Variants in BAG3 observed in about 807,000 individuals in gnomAD.
BAG3 encodes the protein BAG family molecular chaperone regulator 3.
BAG3 carries 14 observed loss-of-function variants against 40.5 expected under a neutral mutation model. The observed-to-expected ratio is 0.35, with a 90% CI of 0.23 to 0.54. The LOEUF is 0.54. Ranked by LOEUF, BAG3 falls within the 20% of genes least tolerant of loss-of-function variation. The pLI, the probability that BAG3 is intolerant of heterozygous loss-of-function variation, is 0.91. For missense variants in BAG3, 788 were observed against 758.6 expected (o/e 1.04, Z -0.46); for synonymous variants, 302 against 307.8 (o/e 0.98, Z 0.20).
In BAG3 at chr10:119,672,283, G is replaced by GCTCATC; in HGVS notation, c.546_551dup (p.Ser184_Ser185dup). 6.2e-7 allele frequency: 1 copy of GCTCATC among 1,613,796 alleles called. No individual in the cohort carries two copies. The highest frequency in any genetic ancestry group is 8.5e-7 in the Non-Finnish European group (1 of 1,180,022). ...TCCCAGTCTCCAGCTGCCTCTGACT[G>GCTCATC]CTCATCCTCATCCTCCTCGGCCAGC... On this transcript the variant is annotated inframe_insertion, in exon 3 of 4. Transcript: ENST00000369085. This position sits in a 1 kb window ranked among gnomAD's most constrained non-coding sequence, Gnocchi z 4.8.
intron 1 of BAG3, among the ~76,000 whole-genome samples, chr10:119,658,983 C>T (rs960674512): frequency 2.6e-5 from 4 of 152,172 alleles, no homozygotes; most frequent in African/African-American, 7.2e-5. Flanking sequence ...GTGGGCCTTT[C>T]AGCTCTCAGA....
chr10:119,658,587 G>C (rs1057266670), intron 1 of BAG3, among the ~76,000 whole-genome samples: 7 of 152,190 alleles, frequency 4.6e-5, no homozygotes, highest in African/African-American at 1.7e-4. Context: ...TGCCTCTCCT[G>C]CTGCATTTTA....
At chr10:119,664,004 G>C (rs902452141) in intron 1 of BAG3, among the ~76,000 whole-genome samples, 15 of 152,066 alleles carry the variant, frequency 9.9e-5, no homozygotes, top group African/African-American at 3.4e-4. Context: ...CTGAGAAAAC[G>C]AAAGTTCACA....
chr10:119,652,511 C>T (rs1846857284), intron 1 of BAG3, among the ~76,000 whole-genome samples: 1 of 152,150 alleles, frequency 6.6e-6, no homozygotes, highest in Non-Finnish European at 1.5e-5. Flanking sequence ...TCAATATGAA[C>T]GTATCCTAGT....
chr10:119,677,108 T>C lies in BAG3; in HGVS notation c.1554T>C (p.Asp518=), dbSNP rs139125612. The change falls in exon 4 of 4, where the codon GAT becomes GAC. Residue 518 remains aspartate, a synonymous_variant. Coordinates refer to ENST00000369085, the MANE Select transcript of BAG3 (RefSeq NM_004281.4). ...YELQPSNLEA[D]QPLQAIMEMG... The stretch of plus-strand genomic sequence containing the variant: ...TCCAGCCCAGCAACCTTGAAGCAGA[T>C]CAGCCACTGCAGGCAATCATGGAGA... The C allele has an allele frequency of 9.3e-6, 15 of 1,614,008 alleles. No individual in the cohort carries two copies. The Admixed American group carries it at 1.7e-4, about 18-fold the overall frequency.
chr10:119,664,945 T>C (rs1329312252), intron 1 of BAG3, among the ~76,000 whole-genome samples: 1 of 151,650 alleles, frequency 6.6e-6, no homozygotes, highest in Non-Finnish European at 1.5e-5. Context: ...TTTGGCAGAG[T>C]TTCACTCTTG....
rs565963007 is a variant in BAG3, at chr10:119,665,118, GTGTGTGTGTATA to G, written c.181-4731_181-4720del. ...TGTGTGTGTGTGTGTGTGTGTGTGTGTGTGTGTGTATATATATATATATATATTTTTTTTTTT... is the reference window on the plus strand; with the variant it reads ...TGTGTGTGTGTGTGTGTGTGTGTGTGTATATATATATATATTTTTTTTTTT... On this transcript the variant is annotated intron_variant, in intron 1 of 3. Coordinates refer to ENST00000369085, the MANE Select transcript of BAG3 (RefSeq NM_004281.4). 1.5e-3 allele frequency among the ~76,000 whole-genome samples: 121 copies of G among 79,340 alleles called. 3 individuals carry two copies. In the South Asian group the frequency reaches 0.046, roughly 30 times the overall value. 52.1% of individuals were successfully genotyped at this position (79,340 alleles called of 152,430 possible). A position where few individuals can be genotyped will look rare whatever the true frequency, so the allele number is the denominator to read the frequency against.
At chr10:119,675,751 CTTT>C (rs1847208916) in intron 3 of BAG3, among the ~76,000 whole-genome samples, 1 of 123,510 alleles carries the variant, frequency 8.1e-6, no homozygotes, top group African/African-American at 3.1e-5. Flanking sequence ...TTTTTTCCTT[CTTT>C]CCTTCCTTCC....
intron 1 of BAG3, among the ~76,000 whole-genome samples, chr10:119,660,004 T>A (rs1846970858): frequency 6.6e-6 from 1 of 152,134 alleles, no homozygotes; most frequent in Non-Finnish European, 1.5e-5. Flanking sequence ...ACATTCCAGT[T>A]CCTACCTCTG....
At chr10:119,674,982 CA>C (rs752168152) in intron 3 of BAG3, among the ~76,000 whole-genome samples, 4 of 71,592 alleles carry the variant, frequency 5.6e-5, no homozygotes, top group Non-Finnish European at 1.3e-4. Context: ...GTCTCAAAAA[CA>C]AAAACAAAAA....
chr10:119,667,570 G>A (rs10886529), intron 1 of BAG3, among the ~76,000 whole-genome samples: 52,092 of 152,102 alleles, frequency 0.34, 9,019 homozygotes, highest in Admixed American at 0.37. Flanking sequence ...GGAAGAGCCT[G>A]TGCCTTTCCC....
chr10:119,677,666 C>G lies in BAG3; in HGVS notation c.*384C>G, dbSNP rs1285168116. The G allele has an allele frequency of 3.8e-6, 1 of 259,884 alleles. No individual in the cohort carries two copies. The allele number at this position is 259,884 out of a possible 1,614,324, so 16.1% of individuals were successfully genotyped here. On this transcript the variant is annotated 3_prime_UTR_variant, in exon 4 of 4. Coordinates refer to ENST00000369085, the MANE Select transcript of BAG3 (RefSeq NM_004281.4). ...TATGAAACATTTATCAGAAATGTTG[C>G]CATTTTAATGAGATGATTTTCTTCA...
Position 119,676,522 on chromosome 10 carries a change from G to C in BAG3, c.968G>C (p.Ser323Thr). 6.2e-7 allele frequency: 1 copy of C among 1,613,842 alleles called. No individual in the cohort carries two copies. Reference sequence around the variant, plus strand: ...TCCCAGCCTGAAAACAAACCAGAAAGTAAGCCAGGCCCAGTTGGACCAGAA... The same window carrying C: ...TCCCAGCCTGAAAACAAACCAGAAACTAAGCCAGGCCCAGTTGGACCAGAA... Reference protein sequence around the residue: ...PVSQPENKPESKPGPVGPELP... With the variant: ...PVSQPENKPETKPGPVGPELP... Residue 323 changes from serine (S) to threonine (T), a missense_variant, in exon 4 of 4, where the codon AGT (serine) becomes ACT (threonine). Ser to Thr is a moderately conservative substitution (Grantham distance 58). Coordinates refer to ENST00000369085, the MANE Select transcript of BAG3 (RefSeq NM_004281.4).
chr10:119,655,567 T>C (rs1226072157), intron 1 of BAG3, among the ~76,000 whole-genome samples: 1 of 152,210 alleles, frequency 6.6e-6, no homozygotes, highest in East Asian at 1.9e-4. Flanking sequence ...CCAGATCTAT[T>C]GCAAGCTGTT....
chr10:119,664,428 G>A (rs1847032005), intron 1 of BAG3, among the ~76,000 whole-genome samples: 1 of 152,198 alleles, frequency 6.6e-6, no homozygotes, highest in Admixed American at 6.5e-5. Flanking sequence ...GTGAGAGTCA[G>A]GACTGAGCCC....
intron 1 of BAG3, among the ~76,000 whole-genome samples, chr10:119,663,791 G>T (rs1847023586): frequency 6.6e-6 from 1 of 152,192 alleles, no homozygotes; most frequent in Admixed American, 6.5e-5. Context: ...AGGCCACGCA[G>T]AGTGTCAGAG....
At chr10:119,667,842 C>T (rs1015036305) in intron 1 of BAG3, among the ~76,000 whole-genome samples, 3 of 152,188 alleles carry the variant, frequency 2.0e-5, no homozygotes, top group African/African-American at 7.2e-5. Context: ...CCTGGGCAGC[C>T]AGCAAAAATG....
intron 2 of BAG3, among the ~76,000 whole-genome samples, chr10:119,671,771 GTGT>G (rs1847153523): frequency 6.6e-6 from 1 of 152,122 alleles, no homozygotes; most frequent in Non-Finnish European, 1.5e-5. Flanking sequence ...GTGTGTGTGT[GTGT>G]TTTGTTTTGT....
chr10:119,677,691 A>C lies in BAG3; in HGVS notation c.*409A>C. 1 of 239,138 alleles carries C rather than the reference A, an allele frequency of 4.2e-6. No individual in the cohort carries two copies. The highest frequency in any genetic ancestry group is 6.5e-5 in the South Asian group (1 of 15,316). The allele number at this position is 239,138 out of a possible 1,614,324, so 14.8% of individuals were successfully genotyped here. ...CCATTTTAATGAGATGATTTTCTTC[A>C]TCTCATAATTAAAATACCTGACTTT... On this transcript the variant is annotated 3_prime_UTR_variant, in exon 4 of 4. Coordinates refer to ENST00000369085, the MANE Select transcript of BAG3 (RefSeq NM_004281.4).
Sources: gnomAD v4.1 joint callset for allele counts (sites outside exome capture counted in the v4.1 genomes callset) on GRCh38, gnomAD v4.1.1 for gene constraint, Gnocchi (gnomAD v3.1) non-coding constraint, MANE v1.5 for transcripts, NCBI Gene and HGNC (gene_info 2026-07-23, HGNC 2026-07-21) for gene names.